Variants in CP observed in about 807,000 individuals in gnomAD.
The protein encoded by CP is caeruloplasmin.
Under a neutral mutation model 122.4 loss-of-function variants are expected in CP, and 64 were observed. The observed-to-expected ratio is 0.52, with a 90% CI of 0.43 to 0.64. The LOEUF (loss-of-function observed/expected upper bound fraction) is 0.64. CP is among the 30% of genes least tolerant of loss of function. The pLI is 0.00. For missense variants in CP, 1,167 were observed against 1,284.4 expected (o/e 0.91, Z 1.40); for synonymous variants, 440 against 436.4 (o/e 1.01, Z -0.10).
At chr3:149,210,495 T>A in intron 2 of CP, 116 bp from the exon 3 acceptor site, 1 of 922,936 alleles carries the variant, frequency 1.1e-6, no homozygotes, top group African/African-American at 1.6e-5. Flanking sequence ...TATGTGATCC[T>A]TGGGGATGTG....
intron 5 of CP, chr3:149,164,052 A>C: frequency 1.5e-6 from 1 of 659,820 alleles, no homozygotes; most frequent in East Asian, 2.8e-5. Context: ...AGAATGTAGA[A>C]TTTTGAGGGA....
chr3:149,176,337 T>A lies in CP; in HGVS notation c.3094A>T (p.Thr1032Ser). The A allele has an allele frequency of 6.2e-7, 1 of 1,613,026 alleles. No individual in the cohort carries two copies. Among genetic ancestry groups the A allele is most frequent in the East Asian group, 2.2e-5 (1 of 44,870 alleles). The change falls in exon 18 of 19, where the codon ACA becomes TCA. Residue 1032 changes from threonine (T) to serine (S), a missense_variant. Physicochemically the swap from Thr to Ser is moderately conservative, Grantham distance 58 (BLOSUM62 1). Transcript: ENST00000264613. ...TYQTLEMFPRTPGIWLLHCHV... is the reference protein window; with the variant it reads ...TYQTLEMFPRSPGIWLLHCHV... ...CAGTGGAGTAACCAAATTCCAGGTG[T>A]TCTTGGAAACATTTCTAGGGTTTGG...
At chr3:149,209,775 GTTAGAAATAAATACTATGATA>G (rs1727984112) in intron 3 of CP, among the ~76,000 whole-genome samples, 1 of 152,110 alleles carries the variant, frequency 6.6e-6, no homozygotes, top group Non-Finnish European at 1.5e-5. Flanking sequence ...TTTTCATGAT[GTTAGAAATAAATACTATGATA>G]TTATGTTTAC....
intron 5 of CP, among the ~76,000 whole-genome samples, chr3:149,165,227 T>C (rs1724298456): frequency 6.6e-6 from 1 of 152,162 alleles, no homozygotes. Flanking sequence ...AGATGGAGCT[T>C]TGCCTTCCTA....
chr3:149,208,390 T>A (rs1196358953), intron 4 of CP, among the ~76,000 whole-genome samples: 2 of 152,174 alleles, frequency 1.3e-5, no homozygotes, highest in African/African-American at 4.8e-5. Flanking sequence ...CTATTTTTGT[T>A]AGTACACAAC....
chr3:149,191,120 A>C (rs1726522376), intron 9 of CP, among the ~76,000 whole-genome samples: 1 of 152,180 alleles, frequency 6.6e-6, no homozygotes, highest in South Asian at 2.1e-4. Context: ...TTCTGGCATT[A>C]GCTCTTCCCT....
At chr3:149,215,652 T>C (rs1044416739) in intron 1 of CP, among the ~76,000 whole-genome samples, 7 of 152,202 alleles carry the variant, frequency 4.6e-5, no homozygotes, top group Non-Finnish European at 1.0e-4. Context: ...GGCTCTCTAT[T>C]TAATTTCGAC....
chr3:149,192,605 A>G (rs1266578865), intron 9 of CP, among the ~76,000 whole-genome samples: 1 of 152,014 alleles, frequency 6.6e-6, no homozygotes, highest in East Asian at 1.9e-4. Flanking sequence ...ATGGAATATG[A>G]AAAAACACAC....
Position 149,221,781 on chromosome 3 carries a change from CA to C in CP, c.11del (p.Leu4Ter). 1 of 1,613,598 alleles carries C rather than the reference CA, an allele frequency of 6.2e-7. No homozygotes were observed. The highest frequency in any genetic ancestry group is 8.5e-7 in the Non-Finnish European group (1 of 1,179,728). ...ATAAAAACAGAAAAATACCAAGTAT[CA>C]AAATCTTCATTTTTTTCCCCTTCTT... MKI[L>X]ILGIFLFLCS... On this transcript the variant is annotated frameshift_variant, in exon 1 of 19. Coordinates refer to ENST00000264613, the MANE Select transcript of CP (RefSeq NM_000096.4). LOFTEE classifies it high-confidence loss of function.
chr3:149,185,005 G>T (rs2108234776), intron 12 of CP, among the ~76,000 whole-genome samples: 1 of 152,286 alleles, frequency 6.6e-6, no homozygotes, highest in African/African-American at 2.4e-5. Context: ...AGAAAAGAAA[G>T]CAAGACTCCA....
Position 149,207,629 on chromosome 3 carries a change from G to C in CP, c.782-12C>G, listed in dbSNP as rs367911202. 8 of 1,613,552 alleles carry C rather than the reference G, an allele frequency of 5.0e-6. No individual in the cohort carries two copies. The African/African-American group carries it at 1.1e-4, about 22-fold the overall frequency. On this transcript the variant is annotated splice_polypyrimidine_tract_variant and intron_variant, in intron 4 of 18. Coordinates refer to ENST00000264613, the MANE Select transcript of CP (RefSeq NM_000096.4). ...GTATCCATTCACAGCTGTAAGTCAA[G>C]AGCAGAGTTTGTGACTAAGAGTCAT... is the stretch of plus-strand genomic sequence containing the variant.
At chr3:149,172,353 C>CAT (rs1377345911), downstream of CP, 10 of 691,378 alleles carry the variant, frequency 1.4e-5, no homozygotes, top group Non-Finnish European at 2.5e-5. Flanking sequence ...CACACACACA[C>CAT]ACATATATGA....
intron 18 of CP, among the ~76,000 whole-genome samples, chr3:149,175,320 T>C (rs984132882): frequency 6.6e-6 from 1 of 152,206 alleles, no homozygotes; most frequent in Non-Finnish European, 1.5e-5. Context: ...GTGACTGCTC[T>C]AATAAAAAGG....
chr3:149,199,681 G>T, intron 8 of CP, 31 bp downstream of exon 8: 1 of 1,613,232 alleles, frequency 6.2e-7, no homozygotes, highest in South Asian at 1.1e-5. Flanking sequence ...ATTAAACATT[G>T]TTGATTTGTT....
chr3:149,219,500 G>A (rs1051900920), intron 1 of CP, among the ~76,000 whole-genome samples: 2 of 152,174 alleles, frequency 1.3e-5, no homozygotes, highest in Non-Finnish European at 2.9e-5. Flanking sequence ...TTTTATAAAT[G>A]AGAGTTCCCC....
At chr3:149,183,323 T>C in intron 13 of CP, 143 bp downstream of exon 13, 1 of 724,478 alleles carries the variant, frequency 1.4e-6, no homozygotes. Context: ...CTTATTTCAT[T>C]AGATAACTAA....
At chr3:149,170,462 G>A (rs1724864869), downstream of CP, 1 of 152,194 alleles carries the variant, frequency 6.6e-6, no homozygotes, top group Non-Finnish European at 1.5e-5. Flanking sequence ...GTGCATCATT[G>A]TATTTTAGCT....
intron 12 of CP, 121 bp from the exon 13 acceptor site, chr3:149,183,726 C>A: frequency 2.8e-6 from 2 of 703,536 alleles, no homozygotes; most frequent in African/African-American, 1.8e-5. Context: ...AGTTTTAAAT[C>A]ATCACTCTTC....
intron 1 of CP, among the ~76,000 whole-genome samples, chr3:149,216,035 A>G (rs909298695): frequency 7.2e-5 from 11 of 152,174 alleles, no homozygotes; most frequent in African/African-American, 2.4e-4. Flanking sequence ...CACTCAAGTG[A>G]TCTTGGTTTA....
Sources: allele counts gnomAD v4.1 joint callset (sites outside exome capture counted in the v4.1 genomes callset), GRCh38; gene constraint gnomAD v4.1.1; transcripts MANE v1.5; gene names NCBI Gene and HGNC (gene_info 2026-07-23, HGNC 2026-07-21).